Variants in RFX8 observed in about 807,000 individuals in gnomAD.
RFX8 encodes the protein regulatory factor X8, also known as DNA-binding protein RFX8.
RFX8 carries 46 observed loss-of-function variants against 54.6 expected under a neutral mutation model. The ratio of observed to expected loss-of-function variants is 0.84; its 90% CI spans 0.67 to 1.08. The LOEUF is 1.08. RFX8 is among the 50% of genes least tolerant of loss of function. RFX8 has a pLI of 0.00. For synonymous variants in RFX8, 192 were observed against 209.5 expected (o/e 0.92, Z 0.72); for missense variants, 536 against 562.3 (o/e 0.95, Z 0.47).
At chr2:101,430,109 C>G (rs990437471) in intron 2 of RFX8, among the ~76,000 whole-genome samples, 20 of 152,202 alleles carry the variant, frequency 1.3e-4, no homozygotes, top group African/African-American at 4.6e-4. Context: ...ACTAGAAAGG[C>G]ACTCTTCATC....
chr2:101,440,990 A>T (rs1367311449), intron 2 of RFX8, among the ~76,000 whole-genome samples: 1 of 31,366 alleles, frequency 3.2e-5, no homozygotes, highest in East Asian at 5.7e-4. Flanking sequence ...TTTTTGAGAC[A>T]GAGTCTTGCT....
At chr2:101,415,375 C>A (rs990916582) in intron 6 of RFX8, among the ~76,000 whole-genome samples, 1 of 152,222 alleles carries the variant, frequency 6.6e-6, no homozygotes, top group Admixed American at 6.5e-5. Context: ...CTTCCCCAGA[C>A]ACCCATCTGC....
At chr2:101,434,183 T>C (rs1437908521) in intron 2 of RFX8, among the ~76,000 whole-genome samples, 1 of 152,144 alleles carries the variant, frequency 6.6e-6, no homozygotes, top group Admixed American at 6.5e-5. Context: ...GAGTAGAATA[T>C]TACCTATTCT....
chr2:101,427,972 C>T (rs1428202433), intron 2 of RFX8, among the ~76,000 whole-genome samples: 1 of 152,100 alleles, frequency 6.6e-6, no homozygotes, highest in African/African-American at 2.4e-5. Flanking sequence ...TTGTTATCCC[C>T]CCCGCCCCCC....
rs1316232429 is a variant in RFX8, at chr2:101,397,411, A to G, written c.*137T>C. On this transcript the variant is annotated 3_prime_UTR_variant, in exon 12 of 12. Coordinates refer to ENST00000428343, the MANE Select transcript of RFX8 (RefSeq NM_001145664.2). ...TATCGAAACCACCTCCTTGAAATAC[A>G]TATAAACATAAAATAGACAATGCTA... 5.1e-5 allele frequency: 25 copies of G among 490,134 alleles called. No homozygotes were observed. The highest frequency in any genetic ancestry group is 3.0e-5 in the Non-Finnish European group (9 of 301,248). 30.4% of individuals were successfully genotyped at this position (490,134 alleles called of 1,614,324 possible).
chr2:101,445,401 C>CT (rs975319750), intron 2 of RFX8, among the ~76,000 whole-genome samples: 18 of 150,426 alleles, frequency 1.2e-4, no homozygotes, highest in South Asian at 2.1e-4. Flanking sequence ...GCGATTGTTC[C>CT]TTTTTTTTTG....
chr2:101,421,608 G>A (rs1232218641), intron 4 of RFX8, 116 bp downstream of exon 4: 2 of 1,461,236 alleles, frequency 1.4e-6, no homozygotes, highest in East Asian at 2.5e-5. Flanking sequence ...AGTGCAGTGG[G>A]TTACCATTGG....
intron 2 of RFX8, among the ~76,000 whole-genome samples, chr2:101,446,425 TG>T (rs35382743): frequency 0.41 from 62,916 of 151,866 alleles, 15,031 homozygotes; most frequent in Non-Finnish European, 0.51. Context: ...CCACTCGCCT[TG>T]GTCTCCCAAA....
chr2:101,442,070 T>C (rs888540499), intron 2 of RFX8, among the ~76,000 whole-genome samples: 4 of 152,230 alleles, frequency 2.6e-5, no homozygotes, highest in Admixed American at 1.3e-4. Context: ...CATCTCTTGG[T>C]ATAGTTCTCA....
intron 1 of RFX8, among the ~76,000 whole-genome samples, chr2:101,469,020 A>ATATATATATGTATATATATAGG (rs1553460145): frequency 0.02 from 1,963 of 100,550 alleles, 63 homozygotes; most frequent in East Asian, 0.057. Context: ...ATATATAGGT[A>ATATATATATGTATATATATAGG]TATATATATA....
At chr2:101,421,102 G>C (rs1212093809) in intron 4 of RFX8, 2 of 234,678 alleles carry the variant, frequency 8.5e-6, no homozygotes, top group East Asian at 1.8e-4. Flanking sequence ...ACGCCGAGTA[G>C]GTAGTAAATG....
chr2:101,420,206 G>A (rs1686782570), intron 4 of RFX8, among the ~76,000 whole-genome samples: 1 of 152,082 alleles, frequency 6.6e-6, no homozygotes, highest in Non-Finnish European at 1.5e-5. Context: ...TCTGGCATCA[G>A]CCTACTTTCC....
intron 4 of RFX8, among the ~76,000 whole-genome samples, chr2:101,420,420 T>C (rs1473884622): frequency 6.6e-6 from 1 of 151,910 alleles, no homozygotes; most frequent in Non-Finnish European, 1.5e-5. Context: ...GGTGGGCGCC[T>C]GTGATCCCAG....
Position 101,397,623 on chromosome 2 carries a change from T to C in RFX8, c.1347A>G (p.Gln449=). 2 of 1,551,304 alleles carry C rather than the reference T, an allele frequency of 1.3e-6. No homozygotes were observed. The highest frequency in any genetic ancestry group is 1.7e-6 in the Non-Finnish European group (2 of 1,146,734). Residue 449 remains glutamine (Q), a synonymous_variant, in exon 12 of 12, where the codon CAA becomes CAG. Coordinates refer to ENST00000428343, the MANE Select transcript of RFX8 (RefSeq NM_001145664.2). ...EALITLKDGQ[Q]FVIQISDVPQ... ...GTACATCTGATATCTGAATCACAAATTGTTGTCCATCTTTTAGGGTTATGA... is the reference window on the plus strand; with the variant it reads ...GTACATCTGATATCTGAATCACAAACTGTTGTCCATCTTTTAGGGTTATGA...
In RFX8 at chr2:101,429,229, T is replaced by C. The variant is rs142480374; in HGVS notation, c.73-6757A>G. ...TGTAACTGGGACAACCACGCATTTA[T>C]TTTTAAAGGTTTCTTTCCTTCAGAA... On this transcript the variant is annotated intron_variant, in intron 2 of 11. Coordinates refer to ENST00000428343, the MANE Select transcript of RFX8 (RefSeq NM_001145664.2). Among the ~76,000 whole-genome samples, 468 of 152,378 alleles carry C rather than the reference T, an allele frequency of 3.1e-3. 4 individuals carry two copies. Among genetic ancestry groups the C allele is most frequent in the African/African-American group, 9.6e-3 (401 of 41,592 alleles).
At chr2:101,428,674 T>C (rs1044194584) in intron 2 of RFX8, among the ~76,000 whole-genome samples, 4 of 152,214 alleles carry the variant, frequency 2.6e-5, no homozygotes, top group Admixed American at 1.3e-4. Context: ...ACACATTTAT[T>C]GCCAACAGCC....
At chr2:101,424,307 AC>A (rs1687047333) in intron 2 of RFX8, among the ~76,000 whole-genome samples, 1 of 152,234 alleles carries the variant, frequency 6.6e-6, no homozygotes, top group African/African-American at 2.4e-5. Flanking sequence ...GCAAATGACA[AC>A]CACAATGAGA....
intron 2 of RFX8, among the ~76,000 whole-genome samples, chr2:101,449,277 G>A (rs746323145): frequency 6.6e-6 from 1 of 152,196 alleles, no homozygotes; most frequent in Non-Finnish European, 1.5e-5. Context: ...GCACTCACGT[G>A]TTTCTGAGCA....
intron 4 of RFX8, among the ~76,000 whole-genome samples, chr2:101,419,189 TTAA>T (rs772020440): frequency 1.3e-5 from 2 of 152,166 alleles, no homozygotes; most frequent in African/African-American, 2.4e-5. Context: ...TAGAACATTA[TTAA>T]TATTTTCTTG....
Sources: allele counts gnomAD v4.1 joint callset (sites outside exome capture counted in the v4.1 genomes callset), GRCh38; gene constraint gnomAD v4.1.1; transcripts MANE v1.5; gene names NCBI Gene and HGNC (gene_info 2026-07-23, HGNC 2026-07-21).